IL2RB: variants seen among roughly 807,000 people sequenced by gnomAD.
IL2RB encodes interleukin 2 receptor subunit beta, also known as interleukin-2 receptor subunit beta.
In IL2RB, 17 loss-of-function variants were observed where a neutral mutation model predicts 44.2. The observed-to-expected ratio is 0.38, with a 90% CI of 0.26 to 0.58. The LOEUF (loss-of-function observed/expected upper bound fraction) is 0.58. Among genes scored for constraint, IL2RB ranks in the 20% least tolerant of loss-of-function variants. The probability of loss-of-function intolerance (pLI) is 0.63; values close to 1 mark genes in which losing one functional copy is unlikely to be tolerated. For synonymous variants in IL2RB, 286 were observed against 297.9 expected, an observed-to-expected ratio of 0.96 and a Z score of 0.41; for missense variants, 624 against 685.5, an observed-to-expected ratio of 0.91 and a Z score of 1.00.
chr22:37,136,392 T>A lies in IL2RB; in HGVS notation c.539A>T (p.Glu180Val). 1 of 1,607,448 alleles carries A rather than the reference T, an allele frequency of 6.2e-7. No individual in the cohort carries two copies. Among genetic ancestry groups the A allele is most frequent in the Non-Finnish European group, 8.5e-7 (1 of 1,177,406 alleles). Residue 180 changes from glutamate to valine, a missense_variant and splice_region_variant, in exon 7 of 10, where the codon GAG becomes GTG. Glu to Val is a moderately radical substitution (Grantham distance 121, BLOSUM62 -2). Transcript: ENST00000216223. ...CTGCTTGAGAGTCAGCAGGGGGGCC[T>A]CCTGGGTCGGAGACAGGACTGTCAG... ...RTLSPGHTWE[E>V]APLLTLKQKQ...
At chr22:37,169,264 G>A (rs1569056014) in intron 1 of IL2RB, among the ~76,000 whole-genome samples, 1 of 147,964 alleles carries the variant, frequency 6.8e-6, no homozygotes, top group Non-Finnish European at 1.5e-5. Context: ...TGTTTACAGA[G>A]GGGTTCTTGC....
intron 8 of IL2RB, among the ~76,000 whole-genome samples, chr22:37,134,848 C>G (rs1921603194): frequency 6.6e-6 from 1 of 152,208 alleles, no homozygotes; most frequent in Non-Finnish European, 1.5e-5. Flanking sequence ...TGCGGCCTGC[C>G]ACTGTGTTCC....
chr22:37,152,844 A>C (rs558124358), upstream of IL2RB, among the ~76,000 whole-genome samples: 80 of 150,826 alleles, frequency 5.3e-4, no homozygotes, highest in African/African-American at 1.9e-3. Context: ...GTGAAGTTCC[A>C]TCCTCAGAGC....
chr22:37,129,610 G>A (rs1921320585), intron 9 of IL2RB, among the ~76,000 whole-genome samples: 2 of 152,188 alleles, frequency 1.3e-5, no homozygotes, highest in African/African-American at 4.8e-5. Flanking sequence ...CCCTGGGAGG[G>A]CCCCTGCACC....
Position 37,149,855 on chromosome 22 carries a change from C to T in IL2RB, c.-64G>A, listed in dbSNP as rs150921267. ...TGAGACATGGGGCGGTGGCAGCGCG[C>T]GCTCTCCAGTCCTCCCCGGTGCTGG... On this transcript the variant is annotated 5_prime_UTR_variant, in exon 1 of 10. Transcript: ENST00000216223. The T allele has an allele frequency of 2.8e-5, 28 of 985,682 alleles. No homozygotes were observed. The highest frequency in any genetic ancestry group is 3.1e-5 in the Non-Finnish European group (26 of 830,204). The allele number at this position is 985,682 out of a possible 1,614,324, so 61.1% of individuals were successfully genotyped here.
Position 37,128,579 on chromosome 22 carries a change from G to A in IL2RB, c.1173C>T (p.Asp391=). ...YFTYDPYSEE[D]PDEGVAGAPT... ...GTGCCCCGGCCACACCCTCATCAGG[G>A]TCTTCCTCTGAGTAGGGGTCGTAAG... The change falls in exon 10 of 10, where the codon GAC becomes GAT. Residue 391 remains aspartate (D), a synonymous_variant. Coordinates refer to ENST00000216223, the MANE Select transcript of IL2RB (RefSeq NM_000878.5). The surrounding 1 kb of genome is among the most constrained non-coding windows in gnomAD (Gnocchi z 4.5). 1 of 1,613,936 alleles carries A rather than the reference G, an allele frequency of 6.2e-7. No homozygotes were observed. The highest frequency in any genetic ancestry group is 8.5e-7 in the Non-Finnish European group (1 of 1,179,908).
intron 1 of IL2RB, among the ~76,000 whole-genome samples, chr22:37,163,535 C>T (rs1031738929): frequency 6.6e-6 from 1 of 152,160 alleles, no homozygotes; most frequent in African/African-American, 2.4e-5. Context: ...GTTGGATGAT[C>T]CCAGAAGCTC....
chr22:37,134,978 G>A (rs1398064887), intron 8 of IL2RB, among the ~76,000 whole-genome samples: 21 of 152,224 alleles, frequency 1.4e-4, no homozygotes, highest in Non-Finnish European at 2.5e-4. Context: ...ATGTGCACAC[G>A]GGCATCCCCA....
Position 37,128,134 on chromosome 22 carries a change from G to A in IL2RB, c.1618C>T (p.Gln540Ter). ...GTTGGGTCCTGACCCTGGAGTTCTT[G>A]GAGGGACAAGTAGGCATCAGTGTTC... Reference protein sequence around the residue: ...PLNTDAYLSLQELQGQDPTHL... With the variant: ...PLNTDAYLSL Residue 540 changes from glutamine (Q) to a stop codon, truncating the protein, a stop_gained, in exon 10 of 10, where the codon CAA becomes TAA. Transcript: ENST00000216223. LOFTEE classifies it high-confidence loss of function. This position sits in a 1 kb window ranked among gnomAD's most constrained non-coding sequence, Gnocchi z 4.5. 1 of 1,579,366 alleles carries A rather than the reference G, an allele frequency of 6.3e-7. No homozygotes were observed. Among genetic ancestry groups the A allele is most frequent in the South Asian group, 1.2e-5 (1 of 85,336 alleles).
chr22:37,143,725 C>T (rs559578955), intron 2 of IL2RB, 90 bp from the exon 3 acceptor site: 1 of 907,662 alleles, frequency 1.1e-6, no homozygotes, highest in Admixed American at 1.8e-5. Flanking sequence ...GGCACCCACA[C>T]CTGCCAGAGG....
Position 37,127,739 on chromosome 22 carries a change from G to A in IL2RB, c.*357C>T, listed in dbSNP as rs559022107. On this transcript the variant is annotated 3_prime_UTR_variant, in exon 10 of 10. Coordinates refer to ENST00000216223, the MANE Select transcript of IL2RB (RefSeq NM_000878.5). ...AAAACCCAGGGAAGAGGTCAGGGCA[G>A]GGAGCCCTGGAGAGCCGCGAGGACT... 682 of 176,588 alleles carry A rather than the reference G, an allele frequency of 3.9e-3. 5 individuals carry two copies. The highest frequency in any genetic ancestry group is 0.015 in the African/African-American group (626 of 42,566). 10.9% of individuals were successfully genotyped at this position (176,588 alleles called of 1,614,324 possible).
At chr22:37,139,334 C>A in intron 4 of IL2RB, 112 bp from the exon 5 acceptor site, 2 of 689,548 alleles carry the variant, frequency 2.9e-6, no homozygotes, top group African/African-American at 1.8e-5. Context: ...GCCCCGCCAC[C>A]CAAGGCAGGG....
At chr22:37,132,180 G>A (rs1411519729) in intron 9 of IL2RB, among the ~76,000 whole-genome samples, 1 of 152,220 alleles carries the variant, frequency 6.6e-6, no homozygotes, top group Non-Finnish European at 1.5e-5. Context: ...CAGCCAGAAT[G>A]TGGTGGAGCT....
At chr22:37,133,875 T>C (rs1037751385) in intron 8 of IL2RB, among the ~76,000 whole-genome samples, 4 of 152,174 alleles carry the variant, frequency 2.6e-5, no homozygotes, top group African/African-American at 9.7e-5. Flanking sequence ...TTCCTGGAAG[T>C]TTCTTCCCTC....
chr22:37,135,028 C>T (rs913335486), intron 8 of IL2RB, among the ~76,000 whole-genome samples: 5 of 152,186 alleles, frequency 3.3e-5, no homozygotes, highest in African/African-American at 1.2e-4. Flanking sequence ...CCGGGGCTCT[C>T]CCTGGAGGGC....
chr22:37,135,737 A>G (rs1921657240), intron 7 of IL2RB, among the ~76,000 whole-genome samples: 2 of 130,912 alleles, frequency 1.5e-5, no homozygotes, highest in South Asian at 4.8e-4. Context: ...AGCTGGCTGC[A>G]CCCCTCTCTC....
chr22:37,136,493 C>A, intron 6 of IL2RB, 100 bp from the exon 7 acceptor site: 1 of 1,301,140 alleles, frequency 7.7e-7, no homozygotes, highest in Non-Finnish European at 1.0e-6. Context: ...GCCAGCTGCA[C>A]CCCCACTTCC....
At chr22:37,148,859 G>A (rs1238111619) in intron 1 of IL2RB, among the ~76,000 whole-genome samples, 3 of 152,066 alleles carry the variant, frequency 2.0e-5, no homozygotes, top group South Asian at 2.1e-4. Flanking sequence ...GCTGGGGCAG[G>A]GTGGTAAAGC....
intron 9 of IL2RB, among the ~76,000 whole-genome samples, chr22:37,132,145 G>T (rs968145836): frequency 1.3e-5 from 2 of 152,128 alleles, no homozygotes; most frequent in Non-Finnish European, 2.9e-5. Flanking sequence ...GAGGCCCAGG[G>T]AGGCTCTATA....
Sources: gnomAD v4.1 joint callset for allele counts (sites outside exome capture counted in the v4.1 genomes callset) on GRCh38, gnomAD v4.1.1 for gene constraint, Gnocchi (gnomAD v3.1) non-coding constraint, MANE v1.5 for transcripts, NCBI Gene and HGNC (gene_info 2026-07-23, HGNC 2026-07-21) for gene names.